TNNI3K: variants seen among roughly 807,000 people sequenced by gnomAD.
The protein encoded by TNNI3K is TNNI3 interacting kinase, also known as serine/threonine-protein kinase TNNI3K.
A neutral mutation model predicts 114.5 loss-of-function variants in TNNI3K; 140 were observed. The observed-to-expected ratio is 1.22, with a 90% CI of 1.07 to 1.41. The LOEUF is 1.41. TNNI3K is among the 40% of genes most tolerant of loss of function. The pLI is 0.00. For missense variants in TNNI3K, 1,125 were observed against 1,007.6 expected (o/e 1.12, Z -1.58); for synonymous variants, 347 against 347.5 (o/e 1.00, Z 0.02).
At chr1:74,268,434 C>G (rs1028071379) in intron 4 of TNNI3K, among the ~76,000 whole-genome samples, 2 of 151,794 alleles carry the variant, frequency 1.3e-5, no homozygotes, top group African/African-American at 4.8e-5. Context: ...AACTAGTAGA[C>G]GTTTTCTCGC....
chr1:74,322,607 C>T (rs888281478), intron 5 of TNNI3K, among the ~76,000 whole-genome samples: 5 of 151,852 alleles, frequency 3.3e-5, no homozygotes, highest in African/African-American at 1.2e-4. Flanking sequence ...AGTACAGGTG[C>T]ACATCGCCAC....
At chr1:74,498,215 C>A (rs1345411562) in intron 23 of TNNI3K, among the ~76,000 whole-genome samples, 1 of 152,176 alleles carries the variant, frequency 6.6e-6, no homozygotes, top group Admixed American at 6.5e-5. Context: ...TACCATCAAC[C>A]TATCACTGTA....
At chr1:74,498,715 C>T (rs1669459244) in intron 23 of TNNI3K, among the ~76,000 whole-genome samples, 1 of 152,086 alleles carries the variant, frequency 6.6e-6, no homozygotes, top group South Asian at 2.1e-4. Flanking sequence ...TATTCCACTA[C>T]TTTTCCAGTC....
intron 2 of TNNI3K, among the ~76,000 whole-genome samples, chr1:74,239,478 T>C (rs1300027453): frequency 6.6e-6 from 1 of 152,128 alleles, no homozygotes; most frequent in Non-Finnish European, 1.5e-5. Flanking sequence ...TCATTTGTCT[T>C]ATAAAGAGCA....
intron 10 of TNNI3K, 150 bp from the exon 11 acceptor site, chr1:74,353,830 A>T: frequency 1.7e-6 from 2 of 1,171,008 alleles, no homozygotes; most frequent in South Asian, 3.4e-5. Context: ...TCGTTTGGTC[A>T]ATAATAAAAT....
chr1:74,316,489 A>G (rs1265520194), intron 5 of TNNI3K, among the ~76,000 whole-genome samples: 1 of 152,022 alleles, frequency 6.6e-6, no homozygotes, highest in African/African-American at 2.4e-5. Flanking sequence ...CATGCCAGGC[A>G]TGCTCCTGCC....
intron 5 of TNNI3K, among the ~76,000 whole-genome samples, chr1:74,310,206 A>G (rs965993952): frequency 1.3e-5 from 2 of 152,162 alleles, no homozygotes; most frequent in Non-Finnish European, 2.9e-5. Context: ...AATCCCACTT[A>G]CAAGAGCCAC....
At chr1:74,400,394 T>C (rs7535169) in intron 17 of TNNI3K, among the ~76,000 whole-genome samples, 3,448 of 152,310 alleles carry the variant, frequency 0.023, 133 homozygotes, top group African/African-American at 0.079. Context: ...GATATGGGGA[T>C]GTAAATACCT....
chr1:74,308,804 A>G (rs558264255), intron 5 of TNNI3K, among the ~76,000 whole-genome samples: 25 of 152,186 alleles, frequency 1.6e-4, no homozygotes, highest in African/African-American at 5.8e-4. Flanking sequence ...AAGTGAAATC[A>G]GAAGTGACAA....
At chr1:74,425,361 C>T (rs1485000704) in intron 17 of TNNI3K, among the ~76,000 whole-genome samples, 3 of 151,992 alleles carry the variant, frequency 2.0e-5, no homozygotes, top group Non-Finnish European at 4.4e-5. Context: ...TAAGAATTTT[C>T]CTGGAGTAAC....
intron 4 of TNNI3K, among the ~76,000 whole-genome samples, chr1:74,257,573 T>C (rs986070537): frequency 1.3e-5 from 2 of 151,868 alleles, no homozygotes; most frequent in Non-Finnish European, 2.9e-5. Flanking sequence ...GTTACACTTC[T>C]GGTGGATACA....
chr1:74,378,613 T>TATATAA (rs1367799478), intron 17 of TNNI3K: 12 of 72,400 alleles, frequency 1.7e-4, no homozygotes, highest in Non-Finnish European at 3.1e-4. Context: ...TATATATATA[T>TATATAA]ATATATATAT....
At chr1:74,240,105 G>T in intron 2 of TNNI3K, 3 of 309,684 alleles carry the variant, frequency 9.7e-6, no homozygotes, top group East Asian at 8.1e-5. Context: ...CTTACTACAT[G>T]GTGTTGTTTT....
chr1:74,450,241 G>A (rs943470085), intron 20 of TNNI3K, among the ~76,000 whole-genome samples: 1 of 151,528 alleles, frequency 6.6e-6, no homozygotes, highest in Non-Finnish European at 1.5e-5. Flanking sequence ...GAATCTCTGG[G>A]ACGCATTCAA....
At chr1:74,372,977 A>T (rs910502851) in intron 17 of TNNI3K, 6 of 151,930 alleles carry the variant, frequency 3.9e-5, no homozygotes, top group African/African-American at 9.7e-5. Context: ...AGGTGCCTTC[A>T]TTATGACAGA....
chr1:74,341,334 A>T (rs6424581), intron 7 of TNNI3K, among the ~76,000 whole-genome samples: 151,868 of 152,278 alleles, frequency 1, 75,731 homozygotes, highest in Middle Eastern at 1. Context: ...GTTAAGTAAT[A>T]TTTATTAAAT....
In TNNI3K at chr1:74,271,691, A is replaced by G. The variant is rs1656361287; in HGVS notation, c.427A>G (p.Ile143Val). ...CCTCACTGCCCTCCATATTGCTACA[A>G]TAGCTGGCCACCTAGAGGTAAGTCA... ...GGLTALHIAT[I>V]AGHLEAADVL... Residue 143 changes from isoleucine (I) to valine (V), a missense_variant, in exon 5 of 25, where the codon ATA becomes GTA. By Grantham distance (29) the Ile-to-Val change is conservative (BLOSUM62 3). Coordinates refer to ENST00000326637, the MANE Select transcript of TNNI3K (RefSeq NM_015978.3). 1 of 1,607,568 alleles carries G rather than the reference A, an allele frequency of 6.2e-7. No homozygotes were observed. The highest frequency in any genetic ancestry group is 8.5e-7 in the Non-Finnish European group (1 of 1,176,316).
chr1:74,491,537 G>A (rs1669077688), intron 22 of TNNI3K, among the ~76,000 whole-genome samples: 1 of 152,190 alleles, frequency 6.6e-6, no homozygotes, highest in Non-Finnish European at 1.5e-5. Flanking sequence ...ACCACACCCA[G>A]CCAAGTCCAA....
At chr1:74,239,753 A>T (rs1654070194) in intron 2 of TNNI3K, among the ~76,000 whole-genome samples, 1 of 152,202 alleles carries the variant, frequency 6.6e-6, no homozygotes, top group South Asian at 2.1e-4. Context: ...TCTTCCTGGC[A>T]TAGCTTTTAC....
Sources: allele counts gnomAD v4.1 joint callset (sites outside exome capture counted in the v4.1 genomes callset), GRCh38; gene constraint gnomAD v4.1.1; transcripts MANE v1.5; gene names NCBI Gene and HGNC (gene_info 2026-07-23, HGNC 2026-07-21).